GLT1D1: variants seen among roughly 807,000 people sequenced by gnomAD.
GLT1D1 encodes glycosyltransferase 1 domain containing 1.
Under a neutral mutation model 28.7 loss-of-function variants are expected in GLT1D1, and 21 were observed. The ratio of observed to expected loss-of-function variants is 0.73; its 90% confidence interval spans 0.52 to 1.05. GLT1D1 has a LOEUF of 1.05. Among genes scored for constraint, GLT1D1 ranks in the 50% least tolerant of loss-of-function variants. The pLI, the probability that GLT1D1 is intolerant of heterozygous loss-of-function variation, is 0.00. For synonymous variants in GLT1D1, 147 were observed against 124.8 expected (o/e 1.18, Z -1.19); for missense variants, 343 against 330.6 (o/e 1.04, Z -0.29).
chr12:128,953,721 G>T (rs368119144), intron 6 of GLT1D1, among the ~76,000 whole-genome samples: 25 of 150,486 alleles, frequency 1.7e-4, no homozygotes, highest in Non-Finnish European at 2.7e-4. Flanking sequence ...TGGCCTGTGC[G>T]CACTAACAAT....
intron 1 of GLT1D1, among the ~76,000 whole-genome samples, chr12:128,873,929 CTTTCTTTT>C (rs1274566717): frequency 2.4e-5 from 3 of 125,850 alleles, no homozygotes; most frequent in African/African-American, 8.7e-5. Flanking sequence ...CTTTTTCTTT[CTTTCTTTT>C]TCTTTCTTTC....
rs891081718 is a variant in GLT1D1 at position 128,893,945 on chromosome 12, C to T, written c.323+5201C>T. 2.6e-5 allele frequency among the ~76,000 whole-genome samples: 4 copies of T among 152,222 alleles called. No individual in the cohort carries two copies. In the East Asian group the frequency reaches 7.7e-4, roughly 29 times the overall value. ...TTCCCAGCAAAGGAAGGTTTACACA[C>T]TCTCCTGAAGGGCCCATTGTCAGGC... On this transcript the variant is annotated intron_variant, in intron 3 of 7. Transcript: ENST00000281703.
chr12:128,915,850 A>G (rs1872057034), intron 4 of GLT1D1, among the ~76,000 whole-genome samples: 1 of 152,222 alleles, frequency 6.6e-6, no homozygotes, highest in Admixed American at 6.5e-5. Flanking sequence ...GAGTGAACTC[A>G]TCCTTTTTTT....
At position 128,912,402 on chromosome 12, in the gene GLT1D1, C is replaced by T. The variant is rs114898546; in HGVS notation, c.375+13115C>T. ...GCACTGTCCAATGTACTTTTCTTTT[C>T]TCTCTCCCCTCCTTTCAAAAGCCGC... On this transcript the variant is annotated intron_variant, in intron 4 of 7. Transcript: ENST00000281703. 852 of 1,506,822 alleles carry T rather than the reference C, an allele frequency of 5.7e-4. 4 individuals carry two copies. The African/African-American group carries it at 1.0e-2, about 18-fold the overall frequency. The allele number at this position is 1,506,822 out of a possible 1,614,324, so 93.3% of individuals were successfully genotyped here. A position where few individuals can be genotyped will look rare whatever the true frequency, so the allele number is the denominator to read the frequency against.
At chr12:128,861,754 G>T (rs982322059) in intron 1 of GLT1D1, among the ~76,000 whole-genome samples, 1 of 151,994 alleles carries the variant, frequency 6.6e-6, no homozygotes, top group Non-Finnish European at 1.5e-5. Context: ...GAGAGAAAGC[G>T]AAGGAAGAAA....
intron 1 of GLT1D1, among the ~76,000 whole-genome samples, chr12:128,855,607 C>T (rs908590627): frequency 3.3e-5 from 5 of 151,916 alleles, no homozygotes; most frequent in African/African-American, 9.7e-5. Flanking sequence ...TGATCCAGAA[C>T]CCGATAGAGG....
intron 1 of GLT1D1, among the ~76,000 whole-genome samples, chr12:128,860,007 T>A (rs1017952068): frequency 1.3e-5 from 2 of 152,322 alleles, no homozygotes; most frequent in Non-Finnish European, 1.5e-5. Flanking sequence ...TATTCTTCAG[T>A]ATAAAGTGTT....
At chr12:128,883,772 C>T (rs936080794) in intron 2 of GLT1D1, among the ~76,000 whole-genome samples, 1 of 152,142 alleles carries the variant, frequency 6.6e-6, no homozygotes, top group Non-Finnish European at 1.5e-5. Flanking sequence ...ACTCTTCATT[C>T]TCAGTGCATT....
intron 3 of GLT1D1, among the ~76,000 whole-genome samples, chr12:128,889,221 C>T (rs1397329830): frequency 1.3e-5 from 2 of 152,124 alleles, no homozygotes; most frequent in African/African-American, 4.8e-5. Context: ...ATCTAGTTTG[C>T]ATCAGGTTTG....
chr12:128,892,505 T>C (rs1195170087), intron 3 of GLT1D1, among the ~76,000 whole-genome samples: 1 of 152,172 alleles, frequency 6.6e-6, no homozygotes, highest in African/African-American at 2.4e-5. Context: ...ATTGAATGAA[T>C]CCATCTTACA....
chr12:128,971,000 T>A (rs867756145), intron 7 of GLT1D1, among the ~76,000 whole-genome samples: 4 of 152,366 alleles, frequency 2.6e-5, no homozygotes, highest in East Asian at 1.9e-4. Context: ...CGTGTTTTTT[T>A]ATTTTCATCT....
chr12:128,912,652 T>C (rs1871660078), intron 4 of GLT1D1, among the ~76,000 whole-genome samples, 192 bp downstream of exon 5: 1 of 152,038 alleles, frequency 6.6e-6, no homozygotes, highest in East Asian at 1.9e-4. Context: ...AAATAATCAG[T>C]GAAATGGCTA....
chr12:128,978,044 CA>C (rs1383487001), intron 7 of GLT1D1, among the ~76,000 whole-genome samples: 4 of 151,852 alleles, frequency 2.6e-5, no homozygotes, highest in African/African-American at 9.7e-5. Context: ...TTCAGCCTCC[CA>C]AAATGCTGGG....
At chr12:128,894,812 T>C (rs1396778715) in intron 3 of GLT1D1, among the ~76,000 whole-genome samples, 4 of 151,976 alleles carry the variant, frequency 2.6e-5, no homozygotes, top group Non-Finnish European at 4.4e-5. Flanking sequence ...ACTGTGCCAC[T>C]GCACTCCAAC....
intron 7 of GLT1D1, among the ~76,000 whole-genome samples, chr12:128,962,796 G>C (rs77098763): frequency 0.26 from 39,650 of 151,966 alleles, 5,346 homozygotes; most frequent in Non-Finnish European, 0.3. Flanking sequence ...CTGCCTCCCG[G>C]GTTCAAGTGA....
At chr12:128,945,508 GCC>G in intron 5 of GLT1D1, 139 bp downstream of exon 9, 1 of 756,056 alleles carries the variant, frequency 1.3e-6, no homozygotes, top group Non-Finnish European at 2.4e-6. Context: ...TTCCCGGCGA[GCC>G]CGTGGCATCC....
intron 2 of GLT1D1, among the ~76,000 whole-genome samples, chr12:128,880,178 T>C (rs1169514111): frequency 2.0e-5 from 3 of 152,244 alleles, no homozygotes; most frequent in Non-Finnish European, 1.5e-5. Flanking sequence ...GCTGGATTTT[T>C]GTTTTTTCCT....
chr12:128,968,370 T>C (rs1878693297), intron 7 of GLT1D1, among the ~76,000 whole-genome samples: 1 of 151,256 alleles, frequency 6.6e-6, no homozygotes, highest in African/African-American at 2.4e-5. Context: ...AGTGGACTAA[T>C]AATAATACAA....
intron 1 of GLT1D1, among the ~76,000 whole-genome samples, chr12:128,875,330 C>T (rs531492195): frequency 1.3e-5 from 2 of 152,294 alleles, no homozygotes; most frequent in South Asian, 4.1e-4. Context: ...GTCAGGGCCT[C>T]CTGGGTCAAT....
Sources: gnomAD v4.1 joint callset for allele counts (sites outside exome capture counted in the v4.1 genomes callset) on GRCh38, gnomAD v4.1.1 for gene constraint, MANE v1.5 for transcripts, NCBI Gene and HGNC (gene_info 2026-07-23, HGNC 2026-07-21) for gene names.